Variants in GSG1L observed in about 807,000 individuals in gnomAD.
GSG1L encodes the protein germ cell-specific gene 1-like protein.
In GSG1L, 24 loss-of-function variants were observed where a neutral mutation model predicts 42.1. The observed-to-expected ratio is 0.57, with a 90% CI of 0.41 to 0.80. The LOEUF is 0.80. GSG1L is among the 30% of genes least tolerant of loss of function. GSG1L has a pLI of 0.00. For synonymous variants in GSG1L, 215 were observed against 203.5 expected, an observed-to-expected ratio of 1.06 and a Z score of -0.48; for missense variants, 445 against 472.2, an observed-to-expected ratio of 0.94 and a Z score of 0.53.
intron 1 of GSG1L, among the ~76,000 whole-genome samples, chr16:28,028,667 A>G (rs1408420879): frequency 6.6e-6 from 1 of 152,132 alleles, no homozygotes; most frequent in African/African-American, 2.4e-5. Flanking sequence ...ACCAAGGAGA[A>G]AGTCTCAGCT....
chr16:28,031,882 G>T (rs956869194), intron 1 of GSG1L, among the ~76,000 whole-genome samples: 1 of 152,266 alleles, frequency 6.6e-6, no homozygotes, highest in African/African-American at 2.4e-5. Context: ...CCACTCCACA[G>T]AGATCACGCA....
chr16:28,032,664 A>G (rs577028801), intron 1 of GSG1L, among the ~76,000 whole-genome samples: 1 of 151,862 alleles, frequency 6.6e-6, no homozygotes, highest in Non-Finnish European at 1.5e-5. Context: ...ACAAACAAAA[A>G]CCTCTTCCCA....
chr16:28,027,466 C>T (rs2085912083), intron 1 of GSG1L, among the ~76,000 whole-genome samples: 1 of 152,106 alleles, frequency 6.6e-6, no homozygotes, highest in Non-Finnish European at 1.5e-5. Context: ...GTGAGCAGCA[C>T]CATACAATCT....
At chr16:27,915,443 T>C (rs2084443101) in intron 2 of GSG1L, among the ~76,000 whole-genome samples, 1 of 152,142 alleles carries the variant, frequency 6.6e-6, no homozygotes, top group Admixed American at 6.5e-5. Context: ...GGCAGGGCGC[T>C]GAGCAAGCAA....
intron 1 of GSG1L, among the ~76,000 whole-genome samples, chr16:27,967,067 T>C (rs2085144176): frequency 2.6e-5 from 4 of 152,264 alleles, no homozygotes; most frequent in Admixed American, 2.6e-4. Context: ...ACCCCTGGCT[T>C]CAGGATGTTA....
Position 28,063,231 on chromosome 16 carries a change from G to T in GSG1L, c.194C>A (p.Ala65Asp). 3 of 1,260,800 alleles carry T rather than the reference G, an allele frequency of 2.4e-6. No individual in the cohort carries two copies. The highest frequency in any genetic ancestry group is 3.0e-6 in the Non-Finnish European group (3 of 1,007,526). The allele number at this position is 1,260,800 out of a possible 1,614,324, so 78.1% of individuals were successfully genotyped here. ...SGANATANGT[A>D]APAAAAAAAT... The stretch of plus-strand genomic sequence containing the variant: ...GGCGGCGGCGGCGGCGGCGGGGGCG[G>T]CGGTGCCGTTGGCCGTGGCGTTGGC... The change falls in exon 1 of 7, where the codon GCC (alanine) becomes GAC (aspartate). Residue 65 changes from alanine to aspartate, a missense_variant. Around this residue, in one of 3 missense-constraint regions of GSG1L, gnomAD observed 156 missense variants for 128.3 expected, o/e 1.22. Transcript: ENST00000447459. The surrounding 1 kb of genome is among the most constrained non-coding windows in gnomAD (Gnocchi z 5.8).
chr16:27,846,764 C>T (rs2083448204), intron 3 of GSG1L, among the ~76,000 whole-genome samples: 1 of 152,000 alleles, frequency 6.6e-6, no homozygotes. Flanking sequence ...ACCCTCCTGG[C>T]TAATACGGTG....
At chr16:27,848,674 A>G (rs1038918765) in intron 3 of GSG1L, among the ~76,000 whole-genome samples, 1 of 152,192 alleles carries the variant, frequency 6.6e-6, no homozygotes, top group Admixed American at 6.5e-5. Flanking sequence ...TTTCCATGAA[A>G]AAACTAAAAT....
chr16:28,004,778 AAAAT>A (rs1422895937), intron 1 of GSG1L, among the ~76,000 whole-genome samples: 2 of 152,140 alleles, frequency 1.3e-5, no homozygotes, highest in African/African-American at 2.4e-5. Flanking sequence ...ACCCTGTCTC[AAAAT>A]AAATAAACAA....
chr16:27,844,189 A>T (rs1315244701), intron 4 of GSG1L, among the ~76,000 whole-genome samples: 1 of 152,112 alleles, frequency 6.6e-6, no homozygotes, highest in Admixed American at 6.5e-5. Flanking sequence ...AACCCAGAGC[A>T]CCCTAGCTGA....
chr16:27,913,946 C>T (rs557120198), intron 2 of GSG1L, among the ~76,000 whole-genome samples: 3 of 150,694 alleles, frequency 2.0e-5, no homozygotes, highest in Non-Finnish European at 4.4e-5. Context: ...ATAAGGTCAC[C>T]ACCAGCAATA....
At chr16:27,985,726 G>C (rs1257342880) in intron 1 of GSG1L, among the ~76,000 whole-genome samples, 3 of 152,064 alleles carry the variant, frequency 2.0e-5, no homozygotes, top group Non-Finnish European at 4.4e-5. Flanking sequence ...CCAGCTACCT[G>C]GGAGGCTGAG....
intron 1 of GSG1L, 107 bp from the exon 2 acceptor site, chr16:27,963,310 C>A: frequency 1.1e-6 from 1 of 928,790 alleles, no homozygotes; most frequent in Non-Finnish European, 1.7e-6. Context: ...GTCTCTGACC[C>A]AAGCCCAGTG....
At chr16:27,821,464 T>C (rs1229373430) in intron 5 of GSG1L, among the ~76,000 whole-genome samples, 1 of 152,080 alleles carries the variant, frequency 6.6e-6, no homozygotes, top group Non-Finnish European at 1.5e-5. Context: ...CCCCAATGTC[T>C]GTTGTTCCCG....
At chr16:28,010,701 C>T (rs1394635524) in intron 1 of GSG1L, among the ~76,000 whole-genome samples, 2 of 152,050 alleles carry the variant, frequency 1.3e-5, no homozygotes, top group Non-Finnish European at 2.9e-5. Context: ...ATGGAGTCTC[C>T]GTGATGGAAG....
chr16:27,849,203 G>GAAAAAAA (rs1203275567), intron 3 of GSG1L, among the ~76,000 whole-genome samples: 1 of 79,918 alleles, frequency 1.3e-5, no homozygotes, highest in Non-Finnish European at 2.4e-5. Flanking sequence ...ATCCCAAAAA[G>GAAAAAAA]AAAAAAAAAA....
At chr16:27,810,371 G>A (rs2083017673) in intron 5 of GSG1L, among the ~76,000 whole-genome samples, 1 of 152,200 alleles carries the variant, frequency 6.6e-6, no homozygotes, top group African/African-American at 2.4e-5. Context: ...CTAGGAAGCT[G>A]AGTTGGGAGG....
At chr16:27,932,267 G>C (rs778047030) in intron 2 of GSG1L, among the ~76,000 whole-genome samples, 2 of 152,090 alleles carry the variant, frequency 1.3e-5, no homozygotes, top group Non-Finnish European at 2.9e-5. Context: ...TGGCCAGGCT[G>C]GTCTTGAACT....
intron 2 of GSG1L, among the ~76,000 whole-genome samples, chr16:27,949,341 A>G (rs1390622005): frequency 2.6e-5 from 4 of 152,240 alleles, no homozygotes; most frequent in Non-Finnish European, 5.9e-5. Context: ...CAGTGAATGA[A>G]TGTGAACAGA....
Sources: gnomAD v4.1 joint callset for allele counts (sites outside exome capture counted in the v4.1 genomes callset) on GRCh38, gnomAD v4.1.1 for gene constraint, gnomAD v4.1.1 regional missense constraint, Gnocchi (gnomAD v3.1) non-coding constraint, MANE v1.5 for transcripts, NCBI Gene and HGNC (gene_info 2026-07-23, HGNC 2026-07-21) for gene names.